ARHGAP25: variants seen among roughly 807,000 people sequenced by gnomAD.
ARHGAP25 encodes the protein Rho GTPase activating protein 25, also known as rho GTPase-activating protein 25.
A neutral mutation model predicts 71.0 loss-of-function variants in ARHGAP25; 34 were observed. The observed-to-expected ratio is 0.48, with a 90% CI of 0.36 to 0.64. The LOEUF is 0.64. Ranked by LOEUF, ARHGAP25 falls within the 30% of genes least tolerant of loss-of-function variation. The pLI is 0.00. For synonymous variants in ARHGAP25, 282 were observed against 296.5 expected, an observed-to-expected ratio of 0.95 and a Z score of 0.50; for missense variants, 706 against 805.1, an observed-to-expected ratio of 0.88 and a Z score of 1.49.
intron 5 of ARHGAP25, among the ~76,000 whole-genome samples, chr2:68,808,480 AT>A (rs1297697446): frequency 1.3e-5 from 2 of 152,094 alleles, no homozygotes; most frequent in African/African-American, 2.4e-5. Flanking sequence ...GTTTCTCTCC[AT>A]GCTTATGGCC....
At chr2:68,743,463 C>G (rs1675634522) in intron 1 of ARHGAP25, among the ~76,000 whole-genome samples, 2 of 152,136 alleles carry the variant, frequency 1.3e-5, no homozygotes, top group Admixed American at 1.3e-4. Flanking sequence ...AAATGAGGCT[C>G]CCGCCTTTCT....
chr2:68,795,623 G>A (rs1187957330), intron 4 of ARHGAP25, among the ~76,000 whole-genome samples: 1 of 152,142 alleles, frequency 6.6e-6, no homozygotes, highest in Non-Finnish European at 1.5e-5. Context: ...TGTGGTCTGA[G>A]AAGATACTTG....
In ARHGAP25 at chr2:68,782,230, C is replaced by T; in HGVS notation, c.262-3C>T. On this transcript the variant is annotated splice_region_variant and splice_polypyrimidine_tract_variant and intron_variant, in intron 2 of 10. Coordinates refer to ENST00000409202, the MANE Select transcript of ARHGAP25 (RefSeq NM_001007231.3). ...CCTTAAGGCCTGACTTTTCATCTTT[C>T]AGGGCTGCATGTATCTACCAGGATG... 2.5e-6 allele frequency: 4 copies of T among 1,613,736 alleles called. No individual in the cohort carries two copies. Among genetic ancestry groups the T allele is most frequent in the Non-Finnish European group, 2.5e-6 (3 of 1,179,784 alleles).
chr2:68,792,596 T>C (rs1217448545), intron 4 of ARHGAP25, among the ~76,000 whole-genome samples: 1 of 152,248 alleles, frequency 6.6e-6, no homozygotes, highest in Non-Finnish European at 1.5e-5. Flanking sequence ...TTCTTTGAAA[T>C]GTCATATTTA....
chr2:68,753,687 C>T (rs1255927489), intron 1 of ARHGAP25, among the ~76,000 whole-genome samples: 2 of 152,126 alleles, frequency 1.3e-5, no homozygotes, highest in African/African-American at 4.8e-5. Flanking sequence ...GTAGTCTTTC[C>T]CACGTTCTCA....
chr2:68,735,019 T>A lies in ARHGAP25; in HGVS notation c.-181T>A. ...CAGTGACAGATGGATGGACCTTTCA[T>A]CTAAGAGAAAGGAGGAGACACGTTG... On this transcript the variant is annotated 5_prime_UTR_variant, in exon 1 of 11. Transcript: ENST00000409202. 1.6e-6 allele frequency: 1 copy of A among 638,270 alleles called. No homozygotes were observed. The highest frequency in any genetic ancestry group is 1.9e-5 in the South Asian group (1 of 53,660). The allele number at this position is 638,270 out of a possible 1,614,324, so 39.5% of individuals were successfully genotyped here. A position where few individuals can be genotyped will look rare whatever the true frequency, so the allele number is the denominator to read the frequency against.
intron 2 of ARHGAP25, among the ~76,000 whole-genome samples, chr2:68,713,643 T>C (rs556496964): frequency 6.6e-6 from 1 of 152,362 alleles, no homozygotes; most frequent in South Asian, 2.1e-4. Flanking sequence ...TTGTCATAAA[T>C]AGCTCTTATT....
At position 68,814,546 on chromosome 2, in the gene ARHGAP25, G is replaced by C. The variant is rs535914533; in HGVS notation, c.807+1127G>C. On this transcript the variant is annotated intron_variant, in intron 6 of 10. Transcript: ENST00000409202. ...TTTGAGGACCCAGGGATATGATACT[G>C]GTGGGTGACTTTAAAATTTTTTTCA... Among the ~76,000 whole-genome samples the C allele has an allele frequency of 6.2e-4, 94 of 152,288 alleles. 2 individuals are homozygous for C. The South Asian group carries it at 0.019, about 31-fold the overall frequency.
At chr2:68,824,810 GT>G (rs1342342625) in intron 10 of ARHGAP25, among the ~76,000 whole-genome samples, 4 of 152,170 alleles carry the variant, frequency 2.6e-5, no homozygotes, top group African/African-American at 9.7e-5. Flanking sequence ...ATAGGTGGGG[GT>G]AAGCAAAGTT....
In ARHGAP25 at chr2:68,807,446, G is replaced by A. The variant is rs769047657; in HGVS notation, c.640G>A (p.Ala214Thr). 2.5e-6 allele frequency: 4 copies of A among 1,614,118 alleles called. No homozygotes were observed. The highest frequency in any genetic ancestry group is 1.6e-4 in the Middle Eastern group (1 of 6,078). ...CAACCTGGTGAAGCAGCTGAGAGAC[G>A]CTTTTGATGCTGGGGAGCGGCCCTC... ...QDNLVKQLRDAFDAGERPSFD... is the reference protein window; with the variant it reads ...QDNLVKQLRDTFDAGERPSFD... The change falls in exon 5 of 11, where the codon GCT (alanine) becomes ACT (threonine). Residue 214 changes from alanine to threonine, a missense_variant. Transcript: ENST00000409202.
At chr2:68,787,626 T>C (rs1306840123) in intron 3 of ARHGAP25, among the ~76,000 whole-genome samples, 1 of 152,206 alleles carries the variant, frequency 6.6e-6, no homozygotes, top group African/African-American at 2.4e-5. Flanking sequence ...TTGCAAACCA[T>C]TGTGTTCAAT....
intron 2 of ARHGAP25, among the ~76,000 whole-genome samples, chr2:68,780,028 T>C (rs183078110): frequency 2.1e-4 from 32 of 152,378 alleles, no homozygotes; most frequent in Middle Eastern, 3.4e-3. Flanking sequence ...CACTGACTGA[T>C]GCTGGAATCG....
chr2:68,784,951 A>G (rs1678644320), intron 3 of ARHGAP25, among the ~76,000 whole-genome samples: 1 of 152,156 alleles, frequency 6.6e-6, no homozygotes. Flanking sequence ...TAAGAAGGTG[A>G]CCTTTGGGCA....
chr2:68,731,220 C>T (rs1300622924), upstream of ARHGAP25, among the ~76,000 whole-genome samples: 1 of 152,104 alleles, frequency 6.6e-6, no homozygotes, highest in African/African-American at 2.4e-5. Flanking sequence ...ACTAAGCCCA[C>T]CGTTTTCTCC....
intron 10 of ARHGAP25, 143 bp from the exon 11 acceptor site, chr2:68,825,844 T>C (rs1429508886): frequency 3.0e-6 from 2 of 675,244 alleles, no homozygotes; most frequent in Non-Finnish European, 4.9e-6. Context: ...GACATCTTCA[T>C]GTGGGAAGAG....
rs79078014 is a variant in ARHGAP25, at chr2:68,769,885, A to G, written c.62-5336A>G. Among the ~76,000 whole-genome samples, 11 of 152,334 alleles carry G rather than the reference A, an allele frequency of 7.2e-5. No individual in the cohort carries two copies. In the East Asian group the frequency reaches 1.9e-3, roughly 27 times the overall value. On this transcript the variant is annotated intron_variant, in intron 1 of 10. Transcript: ENST00000409202. ...GATGGGCATGGAGAAAGAGCAGGAA[A>G]TGCAGCAGAAAAAGCCGCAAAGGAC...
chr2:68,798,062 G>C (rs563900873), intron 4 of ARHGAP25, among the ~76,000 whole-genome samples: 2 of 152,116 alleles, frequency 1.3e-5, no homozygotes, highest in African/African-American at 4.8e-5. Flanking sequence ...TTCTCTAAGC[G>C]GATGAGATTA....
chr2:68,732,876 C>T (rs1398821497), upstream of ARHGAP25, among the ~76,000 whole-genome samples: 3 of 152,198 alleles, frequency 2.0e-5, no homozygotes, highest in Non-Finnish European at 4.4e-5. Flanking sequence ...TTCCTTCAGC[C>T]TCGTTCTCTG....
intron 1 of ARHGAP25, among the ~76,000 whole-genome samples, chr2:68,743,326 T>TAC (rs1553394774): frequency 1.1e-4 from 3 of 27,328 alleles, no homozygotes; most frequent in Non-Finnish European, 2.8e-4. Flanking sequence ...TGTGATCACT[T>TAC]ACATGTGGGT....
Sources: gnomAD v4.1 joint callset for allele counts (sites outside exome capture counted in the v4.1 genomes callset) on GRCh38, gnomAD v4.1.1 for gene constraint, MANE v1.5 for transcripts, NCBI Gene and HGNC (gene_info 2026-07-23, HGNC 2026-07-21) for gene names.